The following SPOP variants were observed in gnomAD, a reference collection of about 807,000 sequenced individuals.
The protein encoded by SPOP is speckle-type POZ protein.
SPOP carries 11 observed loss-of-function variants against 45.6 expected under a neutral mutation model. The ratio of observed to expected loss-of-function variants is 0.24; its 90% CI spans 0.15 to 0.40. The LOEUF is 0.40. SPOP is among the 10% of genes least tolerant of loss of function. The pLI is 1.00. For synonymous variants in SPOP, 166 were observed against 166.3 expected (o/e 1.00, Z 0.01); for missense variants, 152 against 465.6 (o/e 0.33, Z 6.20).
intron 5 of SPOP, among the ~76,000 whole-genome samples, chr17:49,613,579 C>T (rs2072021274): frequency 6.6e-6 from 1 of 152,166 alleles, no homozygotes; most frequent in Admixed American, 6.5e-5. Context: ...AAGGCTGTGA[C>T]ATCTCTCACT....
chr17:49,646,481 G>C (rs946925567), intron 1 of SPOP: 9 of 149,806 alleles, frequency 6.0e-5, no homozygotes, highest in African/African-American at 2.2e-4. Flanking sequence ...ACAGTGAGCC[G>C]AGATCACGCC....
intron 3 of SPOP, among the ~76,000 whole-genome samples, chr17:49,620,064 G>A (rs2072187371): frequency 6.6e-6 from 1 of 152,168 alleles, no homozygotes; most frequent in South Asian, 2.1e-4. Flanking sequence ...CAGCTACTCA[G>A]GAGGCTGAGG....
At chr17:49,610,260 C>T (rs2071943064) in intron 6 of SPOP, among the ~76,000 whole-genome samples, 1 of 151,770 alleles carries the variant, frequency 6.6e-6, no homozygotes, top group African/African-American at 2.4e-5. Flanking sequence ...GCTCTGTTGC[C>T]CAGGCTGGAG....
At chr17:49,647,382 T>G (rs1218075527) in intron 1 of SPOP, among the ~76,000 whole-genome samples, 1 of 149,636 alleles carries the variant, frequency 6.7e-6, no homozygotes, top group African/African-American at 2.5e-5. Context: ...CCATTATTAA[T>G]GGAGACCTCA....
intron 1 of SPOP, among the ~76,000 whole-genome samples, chr17:49,652,293 C>T (rs1366753744): frequency 1.3e-5 from 2 of 152,196 alleles, no homozygotes; most frequent in Non-Finnish European, 2.9e-5. Flanking sequence ...ACCAGAGAGA[C>T]AGATTTTAAT....
chr17:49,610,959 C>T (rs947089018), intron 6 of SPOP, among the ~76,000 whole-genome samples: 5 of 152,154 alleles, frequency 3.3e-5, no homozygotes, highest in African/African-American at 1.2e-4. Context: ...AAACCCTTAT[C>T]TAGGGGTTGA....
intron 5 of SPOP, among the ~76,000 whole-genome samples, chr17:49,614,450 T>C (rs10438783): frequency 0.014 from 2,109 of 152,280 alleles, 63 homozygotes; most frequent in African/African-American, 0.049. Flanking sequence ...TATTCAGACA[T>C]ACAAATAATA....
At chr17:49,652,411 C>A (rs1291468321) in intron 1 of SPOP, among the ~76,000 whole-genome samples, 4 of 152,130 alleles carry the variant, frequency 2.6e-5, no homozygotes, top group African/African-American at 7.2e-5. Flanking sequence ...GTTTGAATGT[C>A]CAGTCCCATG....
intron 1 of SPOP, among the ~76,000 whole-genome samples, chr17:49,672,876 C>T (rs2073153968): frequency 6.6e-6 from 1 of 151,584 alleles, no homozygotes; most frequent in South Asian, 2.1e-4. Context: ...GAACCCTGGA[C>T]GCAAAGGTTG....
At chr17:49,626,671 G>T (rs2072337684) in intron 1 of SPOP, among the ~76,000 whole-genome samples, 1 of 151,618 alleles carries the variant, frequency 6.6e-6, no homozygotes, top group Admixed American at 6.6e-5. Flanking sequence ...TTGCACTCTA[G>T]CCTGGGAGAC....
rs550827919 is a variant in SPOP at position 49,672,139 on chromosome 17, CA to C, written c.-67+5793del. ...TGGGAGACAGAGCAAGACTCCATCT[CA>C]AAAAAAAAATTATAATTTATTCCTA... On this transcript the variant is annotated intron_variant, in intron 1 of 9. Transcript: ENST00000504102. 1.1e-4 allele frequency among the ~76,000 whole-genome samples: 16 copies of C among 148,586 alleles called. No individual in the cohort carries two copies. The East Asian group carries it at 3.1e-3, about 29-fold the overall frequency.
intron 6 of SPOP, among the ~76,000 whole-genome samples, chr17:49,610,178 G>T (rs191464717): frequency 1.3e-5 from 2 of 152,144 alleles, no homozygotes; most frequent in African/African-American, 4.8e-5. Context: ...GCCTAGCTAA[G>T]TGTGGAGACA....
At chr17:49,643,597 T>C (rs912709750) in intron 1 of SPOP, among the ~76,000 whole-genome samples, 1 of 152,120 alleles carries the variant, frequency 6.6e-6, no homozygotes, top group Non-Finnish European at 1.5e-5. Context: ...ATGAACTGGA[T>C]TGGAGATCAC....
chr17:49,601,782 C>T, intron 9 of SPOP, 83 bp downstream of exon 9: 2 of 1,557,316 alleles, frequency 1.3e-6, no homozygotes, highest in Non-Finnish European at 1.8e-6. Flanking sequence ...TACTTGCCTG[C>T]TTTACCCACT....
At chr17:49,670,386 C>A (rs1213581161) in intron 1 of SPOP, among the ~76,000 whole-genome samples, 2 of 152,106 alleles carry the variant, frequency 1.3e-5, no homozygotes, top group Non-Finnish European at 2.9e-5. Context: ...AATATACAAC[C>A]AGGATTTAAT....
intron 8 of SPOP, 83 bp from the exon 9 acceptor site, chr17:49,602,090 C>T: frequency 6.7e-7 from 1 of 1,502,360 alleles, no homozygotes; most frequent in South Asian, 1.2e-5. Flanking sequence ...TTAGCTGTAC[C>T]ATCATATTAA....
intron 1 of SPOP, among the ~76,000 whole-genome samples, chr17:49,641,900 G>A (rs2072659783): frequency 6.6e-6 from 1 of 151,968 alleles, no homozygotes; most frequent in African/African-American, 2.4e-5. Context: ...GTTGGCACCT[G>A]TACTCCCAGC....
intron 1 of SPOP, among the ~76,000 whole-genome samples, chr17:49,627,776 T>G (rs12943384): frequency 0.11 from 17,120 of 152,200 alleles, 1,279 homozygotes; most frequent in Middle Eastern, 0.2. Context: ...TTTTCCCACC[T>G]TTTTTTGCTT....
chr17:49,641,968 G>A (rs1014461596), intron 1 of SPOP, among the ~76,000 whole-genome samples: 17 of 152,196 alleles, frequency 1.1e-4, no homozygotes, highest in African/African-American at 3.9e-4. Context: ...AGAGGTTGCA[G>A]TGAGCCAAGA....
Sources: allele counts gnomAD v4.1 joint callset (sites outside exome capture counted in the v4.1 genomes callset), GRCh38; gene constraint gnomAD v4.1.1; transcripts MANE v1.5; gene names NCBI Gene and HGNC (gene_info 2026-07-23, HGNC 2026-07-21).